The following BUD13 variants were observed in gnomAD, a reference collection of about 807,000 sequenced individuals.
BUD13 encodes BUD13 spliceosome associated protein, also known as BUD13 homolog.
Under a neutral mutation model 62.5 loss-of-function variants are expected in BUD13, and 47 were observed. The observed-to-expected ratio is 0.75, with a 90% CI of 0.60 to 0.96. BUD13 has a LOEUF of 0.96. Ranked by LOEUF, BUD13 falls within the 40% of genes least tolerant of loss-of-function variation. BUD13 has a pLI of 0.00. For missense variants in BUD13, 821 were observed against 790.9 expected, an observed-to-expected ratio of 1.04 and a Z score of -0.46; for synonymous variants, 293 against 280.1, an observed-to-expected ratio of 1.05 and a Z score of -0.46.
chr11:116,762,742 G>A lies in BUD13; in HGVS notation c.847C>T (p.Pro283Ser), dbSNP rs920106544. The A allele has an allele frequency of 6.2e-7, 1 of 1,614,062 alleles. No homozygotes were observed. Among genetic ancestry groups the A allele is most frequent in the Admixed American group, 1.7e-5 (1 of 60,004 alleles). ...DLAPNVTYSLPRTKSGKAPER... is the reference protein window; with the variant it reads ...DLAPNVTYSLSRTKSGKAPER... ...GGGGCTTTACCACTTTTGGTTCTGG[G>A]CAGGGAATAAGTGACATTAGGAGCC... Residue 283 changes from proline (P) to serine (S), a missense_variant, in exon 4 of 10, where the codon CCC becomes TCC. By Grantham distance (74) the Pro-to-Ser change is moderately conservative (BLOSUM62 -1). Coordinates refer to ENST00000260210, the MANE Select transcript of BUD13 (RefSeq NM_032725.4).
rs1940658892 is a variant in BUD13, at chr11:116,772,934, C to T, written c.31G>A (p.Glu11Lys). 1.3e-6 allele frequency: 2 copies of T among 1,584,128 alleles called. No homozygotes were observed. The highest frequency in any genetic ancestry group is 1.1e-5 in the South Asian group (1 of 88,044). Residue 11 changes from glutamate to lysine, a missense_variant, in exon 1 of 10, where the codon GAG becomes AAG. Physicochemically the swap from Glu to Lys is moderately conservative, Grantham distance 56 (BLOSUM62 1). This residue lies in a region of BUD13 where 800 missense variants were observed against 739.2 expected (regional missense o/e 1.08). Coordinates refer to ENST00000260210, the MANE Select transcript of BUD13 (RefSeq NM_032725.4). MAAAPPLSKA[E>K]YLKRYLSGAD... is the part of the protein sequence containing the mutation. ...CCGGACAAGTAACGCTTCAGATACT[C>T]GGCCTTGGAAAGCGGCGGAGCTGCC...
At chr11:116,748,829 T>C (rs1481024015) in intron 9 of BUD13, among the ~76,000 whole-genome samples, 2 of 151,624 alleles carry the variant, frequency 1.3e-5, no homozygotes, top group East Asian at 1.9e-4. Flanking sequence ...CTACTAACAA[T>C]ACAAAAATTA....
chr11:116,754,781 T>C (rs1940297130), intron 9 of BUD13, among the ~76,000 whole-genome samples: 1 of 152,184 alleles, frequency 6.6e-6, no homozygotes, highest in African/African-American at 2.4e-5. Flanking sequence ...GCATCTAGAT[T>C]GTAAAGTAAG....
At position 116,762,727 on chromosome 11, in the gene BUD13, C is replaced by T; in HGVS notation, c.862G>A (p.Gly288Ser). 1 of 1,614,172 alleles carries T rather than the reference C, an allele frequency of 6.2e-7. No individual in the cohort carries two copies. The highest frequency in any genetic ancestry group is 8.5e-7 in the Non-Finnish European group (1 of 1,180,020). ...VTYSLPRTKSGKAPERASSKT... is the reference protein window; with the variant it reads ...VTYSLPRTKSSKAPERASSKT... ...CTAGAGGCTCTTTCTGGGGCTTTAC[C>T]ACTTTTGGTTCTGGGCAGGGAATAA... Residue 288 changes from glycine (G) to serine (S), a missense_variant, in exon 4 of 10, where the codon GGT (glycine) becomes AGT (serine). Physicochemically the swap from Gly to Ser is moderately conservative, Grantham distance 56. Coordinates refer to ENST00000260210, the MANE Select transcript of BUD13 (RefSeq NM_032725.4).
chr11:116,769,014 C>CAAAAA (rs34626460), intron 2 of BUD13, among the ~76,000 whole-genome samples: 3,144 of 89,986 alleles, frequency 0.035, 54 homozygotes, highest in East Asian at 0.13. Flanking sequence ...GACTCCGTCT[C>CAAAAA]AAAAAAAAAA....
chr11:116,772,401 A>C (rs1353035259), intron 1 of BUD13, among the ~76,000 whole-genome samples: 4 of 152,228 alleles, frequency 2.6e-5, no homozygotes, highest in Non-Finnish European at 5.9e-5. Context: ...GAGTAACAGG[A>C]GGTGATCAAA....
At chr11:116,769,572 T>C (rs1434230617) in intron 2 of BUD13, among the ~76,000 whole-genome samples, 1 of 152,194 alleles carries the variant, frequency 6.6e-6, no homozygotes, top group Non-Finnish European at 1.5e-5. Flanking sequence ...ACTCTAACAC[T>C]GATGTCGAGA....
chr11:116,762,759 T>A lies in BUD13; in HGVS notation c.830A>T (p.Asn277Ile). 1 of 1,614,156 alleles carries A rather than the reference T, an allele frequency of 6.2e-7. No individual in the cohort carries two copies. The highest frequency in any genetic ancestry group is 8.5e-7 in the Non-Finnish European group (1 of 1,180,020). ...GGTTCTGGGCAGGGAATAAGTGACA[T>A]TAGGAGCCAAATCAGGGGAGTCATG... The part of the protein sequence containing the change: ...ARHDSPDLAP[N>I]VTYSLPRTKS... The change falls in exon 4 of 10, where the codon AAT becomes ATT. Residue 277 changes from asparagine to isoleucine, a missense_variant. This residue lies in a region of BUD13 where 800 missense variants were observed against 739.2 expected (regional missense o/e 1.08). Transcript: ENST00000260210.
chr11:116,750,333 C>G (rs1240363062), intron 9 of BUD13, among the ~76,000 whole-genome samples: 1 of 152,198 alleles, frequency 6.6e-6, no homozygotes, highest in Non-Finnish European at 1.5e-5. Flanking sequence ...CCTCAAATCC[C>G]TTTAATTACC....
intron 5 of BUD13, 39 bp from the exon 6 acceptor site, chr11:116,759,218 T>C: frequency 6.8e-7 from 1 of 1,462,474 alleles, no homozygotes; most frequent in Non-Finnish European, 9.6e-7. Flanking sequence ...ATTAATGAGA[T>C]GATGTGACAG....
At chr11:116,767,518 G>A (rs147074458) in intron 2 of BUD13, among the ~76,000 whole-genome samples, 2,101 of 149,574 alleles carry the variant, frequency 0.014, 31 homozygotes, top group African/African-American at 0.043. Flanking sequence ...GCGTGAACCC[G>A]GGAGGCGGAG....
At chr11:116,749,702 A>C (rs1940200350) in intron 9 of BUD13, among the ~76,000 whole-genome samples, 1 of 152,178 alleles carries the variant, frequency 6.6e-6, no homozygotes, top group Non-Finnish European at 1.5e-5. Flanking sequence ...CCATGGTAAA[A>C]AGCTTAGATT....
intron 9 of BUD13, among the ~76,000 whole-genome samples, chr11:116,750,769 C>T (rs1200006996): frequency 6.6e-6 from 1 of 152,208 alleles, no homozygotes; most frequent in African/African-American, 2.4e-5. Context: ...TGTTTTTAAT[C>T]CTTCCGTGTC....
chr11:116,758,286 A>T lies in BUD13; in HGVS notation c.1482T>A (p.Tyr494Ter). 6.2e-7 allele frequency: 1 copy of T among 1,614,184 alleles called. No homozygotes were observed. The highest frequency in any genetic ancestry group is 8.5e-7 in the Non-Finnish European group (1 of 1,180,034). Residue 494 changes from tyrosine to a stop codon, truncating the protein, a stop_gained, in exon 7 of 10, where the codon TAT becomes TAA. Transcript: ENST00000260210. LOFTEE classifies it high-confidence loss of function. ...TCCCTTACCCTTTTCCCCACTGGGCATACAGCTCATCTCTCTCTGAGTCCT... is the reference window on the plus strand; with the variant it reads ...TCCCTTACCCTTTTCCCCACTGGGCTTACAGCTCATCTCTCTCTGAGTCCT... ...AEKDSERDEL[Y>*]AQWGKGLAQS...
intron 9 of BUD13, among the ~76,000 whole-genome samples, chr11:116,756,386 C>T (rs1374882927): frequency 6.6e-6 from 1 of 151,952 alleles, no homozygotes; most frequent in Non-Finnish European, 1.5e-5. Context: ...GCAGCGGGCG[C>T]CGGTAATCCC....
chr11:116,763,256 T>G lies in BUD13; in HGVS notation c.333A>C (p.Glu111Asp), dbSNP rs769345378. 4.6e-6 allele frequency: 7 copies of G among 1,535,550 alleles called. No homozygotes were observed. The highest frequency in any genetic ancestry group is 6.1e-6 in the Non-Finnish European group (7 of 1,141,528). Residue 111 changes from glutamate to aspartate, a missense_variant, in exon 4 of 10, where the codon GAA becomes GAC. Glu to Asp is a conservative substitution (Grantham distance 45). Around this residue, in one of 2 missense-constraint regions of BUD13, gnomAD observed 800 missense variants for 739.2 expected, o/e 1.08. Coordinates refer to ENST00000260210, the MANE Select transcript of BUD13 (RefSeq NM_032725.4). ...GAAAATGTCTGTTTGAGGGTAGGTC[T>G]TCGTTGTGGCCTAAACACAAATAAC... is the stretch of plus-strand genomic sequence containing the variant. ...AKWKLLGGHN[E>D]DLPSNRHFRH...
At chr11:116,761,413 A>G (rs1356657115) in intron 4 of BUD13, among the ~76,000 whole-genome samples, 1 of 152,170 alleles carries the variant, frequency 6.6e-6, no homozygotes, top group African/African-American at 2.4e-5. Flanking sequence ...AATGTACAAT[A>G]TTTATTTAGT....
At chr11:116,763,857 G>A (rs1264879043) in intron 3 of BUD13, among the ~76,000 whole-genome samples, 1 of 152,152 alleles carries the variant, frequency 6.6e-6, no homozygotes, top group Non-Finnish European at 1.5e-5. Flanking sequence ...TTAGAGAGGG[G>A]AAAAATCACC....
intron 7 of BUD13, 109 bp downstream of exon 7, chr11:116,758,160 A>G (rs1940364949): frequency 6.6e-7 from 1 of 1,507,286 alleles, no homozygotes; most frequent in Non-Finnish European, 9.0e-7. Flanking sequence ...ATTTCCCATT[A>G]CTGATAACAG....
Sources: allele counts gnomAD v4.1 joint callset (sites outside exome capture counted in the v4.1 genomes callset), GRCh38; gene constraint gnomAD v4.1.1; regional missense constraint gnomAD v4.1.1; transcripts MANE v1.5; gene names NCBI Gene and HGNC (gene_info 2026-07-23, HGNC 2026-07-21).